Variants in TSC2 observed in about 807,000 individuals in gnomAD.
TSC2 encodes tuberin.
TSC2 carries 29 observed loss-of-function variants against 202.2 expected under a neutral mutation model. That is an observed-to-expected ratio of 0.14 (90% CI 0.11 to 0.20). TSC2 has a LOEUF of 0.20. Ranked by LOEUF, TSC2 falls within the 10% of genes least tolerant of loss-of-function variation. TSC2 has a pLI of 1.00. For synonymous variants in TSC2, 1,349 were observed against 1,044.0 expected (o/e 1.29, Z -5.63); for missense variants, 2,429 against 2,420.0 (o/e 1.00, Z -0.08).
intron 3 of TSC2, 76 bp downstream of exon 3, chr16:2,050,562 A>ATGGT (rs1319717028): frequency 8.4e-7 from 1 of 1,184,334 alleles, no homozygotes. Flanking sequence ...TTTTAGGAAC[A>ATGGT]TGGTTGACAG....
At position 2,075,910 on chromosome 16, in the gene TSC2, G is replaced by T. The variant is rs763296043; in HGVS notation, c.2639+18G>T. The T allele has an allele frequency of 6.2e-7, 1 of 1,613,024 alleles. No homozygotes were observed. The highest frequency in any genetic ancestry group is 1.1e-5 in the South Asian group (1 of 91,086). On this transcript the variant is annotated intron_variant, in intron 23 of 41. Transcript: ENST00000219476. ...CCCTCCAAGTGAGTGGTCGCCCCAG[G>T]CCCTGTGCCTCCCAGCCGTGGCCCC...
chr16:2,088,372 C>A (rs995881812), intron 41 of TSC2, 47 bp downstream of exon 41: 2 of 1,612,246 alleles, frequency 1.2e-6, no homozygotes, highest in African/African-American at 2.7e-5. Flanking sequence ...GCTGCCCAAG[C>A]TGTGGGGCGG....
At position 2,088,712 on chromosome 16, in the gene TSC2, A is replaced by G. The variant is rs1051844894; in HGVS notation, c.*102A>G. The G allele has an allele frequency of 2.5e-5, 36 of 1,439,742 alleles. No individual in the cohort carries two copies. In the African/African-American group the frequency reaches 5.0e-4, roughly 20 times the overall value. 89.2% of individuals were successfully genotyped at this position (1,439,742 alleles called of 1,614,324 possible). A position where few individuals can be genotyped will look rare whatever the true frequency, so the allele number is the denominator to read the frequency against. On this transcript the variant is annotated 3_prime_UTR_variant, in exon 42 of 42. Transcript: ENST00000219476. ...GCACAGACATAGAGGCACAGATTGC[A>G]GTCAGACAGCTCTTTTATTGACTTT...
At chr16:2,080,735 T>C (rs189387187) in intron 30 of TSC2, 3,053 of 278,726 alleles carry the variant, frequency 0.011, 32 homozygotes, top group African/African-American at 0.031. Context: ...CCGCCCGCCT[T>C]GGCCTCCCAA....
chr16:2,074,741 C>G, intron 22 of TSC2: 1 of 398,060 alleles, frequency 2.5e-6, no homozygotes, highest in East Asian at 5.4e-5. Flanking sequence ...TTCAGGAGCT[C>G]AGGTGCCTGT....
In TSC2 at chr16:2,079,354, G is replaced by C. The variant is rs539927192; in HGVS notation, c.3210G>C (p.Thr1070=). 6.2e-7 allele frequency: 1 copy of C among 1,612,958 alleles called. No homozygotes were observed. Among genetic ancestry groups the C allele is most frequent in the Non-Finnish European group, 8.5e-7 (1 of 1,180,012 alleles). Residue 1070 remains threonine, a synonymous_variant, in exon 28 of 42, where the codon ACG becomes ACC. Transcript: ENST00000219476. The surrounding 1 kb of genome is among the most constrained non-coding windows in gnomAD (Gnocchi z 4.6). ...WLVGNKLVTV[T]TSVGTGTRSL... is the part of the protein sequence containing the mutation. Reference sequence around the variant, plus strand: ...TTGGGAACAAGCTTGTCACTGTGACGACAAGCGTGGGAACCGGGACCCGGT... The same window carrying C: ...TTGGGAACAAGCTTGTCACTGTGACCACAAGCGTGGGAACCGGGACCCGGT...
At chr16:2,077,120 G>A (rs143378421) in intron 25 of TSC2, among the ~76,000 whole-genome samples, 1 of 152,346 alleles carries the variant, frequency 6.6e-6, no homozygotes, top group African/African-American at 2.4e-5. Flanking sequence ...CAGCCCCTGG[G>A]GGCCGGGGGC....
At chr16:2,065,376 G>T (rs1351341398) in intron 15 of TSC2, 143 bp from the exon 16 acceptor site, 4 of 732,914 alleles carry the variant, frequency 5.5e-6, no homozygotes, top group African/African-American at 2.0e-5. Flanking sequence ...TTGTGCCACC[G>T]CACTCCAGCC....
intron 13 of TSC2, 160 bp downstream of exon 13, chr16:2,062,760 A>T: frequency 2.1e-6 from 2 of 940,076 alleles, no homozygotes; most frequent in Non-Finnish European, 3.3e-6. Context: ...CTTGCTTTCC[A>T]GTCCAGCAGG....
At chr16:2,058,508 C>T (rs1435059822) in intron 9 of TSC2, among the ~76,000 whole-genome samples, 1 of 152,262 alleles carries the variant, frequency 6.6e-6, no homozygotes, top group Non-Finnish European at 1.5e-5. Context: ...CTTCCTGTCC[C>T]TGGCATGACC....
chr16:2,059,318 A>G (rs550643301), intron 10 of TSC2, among the ~76,000 whole-genome samples: 2 of 150,576 alleles, frequency 1.3e-5, no homozygotes, highest in African/African-American at 4.9e-5. Flanking sequence ...ATGCCTGGCC[A>G]AAGGCTTTTT....
chr16:2,055,419 T>G lies in TSC2; in HGVS notation c.499T>G (p.Trp167Gly). Residue 167 changes from tryptophan (W) to glycine (G), a missense_variant, in exon 6 of 42, where the codon TGG (tryptophan) becomes GGG (glycine). Trp to Gly is a radical substitution (Grantham distance 184). Coordinates refer to ENST00000219476, the MANE Select transcript of TSC2 (RefSeq NM_000548.5). ...TCCCCCAGCTGACTTTGTCCTGCAGTGGATGGATGTTGGCTTGTCCTCGGA... is the reference window on the plus strand; with the variant it reads ...TCCCCCAGCTGACTTTGTCCTGCAGGGGATGGATGTTGGCTTGTCCTCGGA... ...EEELADFVLQ[W>G]MDVGLSSEFL... 6.2e-7 allele frequency: 1 copy of G among 1,614,140 alleles called. No homozygotes were observed. The highest frequency in any genetic ancestry group is 8.5e-7 in the Non-Finnish European group (1 of 1,180,016).
At position 2,071,567 on chromosome 16, in the gene TSC2, A is replaced by C. The variant is rs1462660984; in HGVS notation, c.1897A>C (p.Asn633His). The C allele has an allele frequency of 1.2e-6, 2 of 1,613,526 alleles. No homozygotes were observed. The highest frequency in any genetic ancestry group is 3.3e-5 in the Admixed American group (2 of 60,020). The change falls in exon 18 of 42, where the codon AAC becomes CAC. Residue 633 changes from asparagine to histidine, a missense_variant. Coordinates refer to ENST00000219476, the MANE Select transcript of TSC2 (RefSeq NM_000548.5). Reference protein sequence around the residue: ...ADSLHRLGLPNKDGVVRFSPY... With the variant: ...ADSLHRLGLPHKDGVVRFSPY... The stretch of plus-strand genomic sequence containing the variant: ...CTCACTGCACCGCCTGGGCCTGCCC[A>C]ACAAGGATGGAGTCGTGCGGTTCAG...
In TSC2 at chr16:2,088,617, G is replaced by A. The variant is rs765016970; in HGVS notation, c.*7G>A. 48 of 1,599,960 alleles carry A rather than the reference G, an allele frequency of 3.0e-5. No individual in the cohort carries two copies. Among genetic ancestry groups the A allele is most frequent in the Admixed American group, 1.7e-5 (1 of 59,724 alleles). On this transcript the variant is annotated 3_prime_UTR_variant, in exon 42 of 42. Coordinates refer to ENST00000219476, the MANE Select transcript of TSC2 (RefSeq NM_000548.5). ...CTTCACCGAGTTTGTGTGAGGCCGG[G>A]GCCCTCCCTCCTGCACTGGCCTTGG...
intron 16 of TSC2, among the ~76,000 whole-genome samples, chr16:2,067,805 C>T (rs1177641211): frequency 6.6e-6 from 1 of 152,146 alleles, no homozygotes; most frequent in East Asian, 1.9e-4. Context: ...GCATCACCTC[C>T]TTGGTGTCTC....
chr16:2,072,414 C>G, intron 20 of TSC2, 51 bp downstream of exon 20: 3 of 1,609,934 alleles, frequency 1.9e-6, no homozygotes, highest in African/African-American at 1.3e-5. Context: ...GGGTTTTTCC[C>G]CAAAAGACTG....
chr16:2,063,835 T>C (rs1002460954), intron 14 of TSC2: 3 of 279,276 alleles, frequency 1.1e-5, no homozygotes, highest in African/African-American at 6.6e-5. Context: ...AAACTCACGC[T>C]GTCCTCAGCA....
At chr16:2,059,321 G>A (rs952408090) in intron 10 of TSC2, among the ~76,000 whole-genome samples, 5 of 150,688 alleles carry the variant, frequency 3.3e-5, no homozygotes, top group African/African-American at 1.2e-4. Context: ...CCTGGCCAAA[G>A]GCTTTTTTCT....
At chr16:2,058,157 A>T (rs1008975305) in intron 9 of TSC2, among the ~76,000 whole-genome samples, 5 of 134,682 alleles carry the variant, frequency 3.7e-5, no homozygotes, top group Non-Finnish European at 7.8e-5. Context: ...CCTCCCGTAG[A>T]ACCAGGCCCT....
Sources: gnomAD v4.1 joint callset for allele counts (sites outside exome capture counted in the v4.1 genomes callset) on GRCh38, gnomAD v4.1.1 for gene constraint, Gnocchi (gnomAD v3.1) non-coding constraint, MANE v1.5 for transcripts, NCBI Gene and HGNC (gene_info 2026-07-23, HGNC 2026-07-21) for gene names.